MROH9: variants seen among roughly 807,000 people sequenced by gnomAD.
MROH9 encodes the protein maestro heat-like repeat-containing protein family member 9.
A neutral mutation model predicts 98.2 loss-of-function variants in MROH9; 92 were observed. The observed-to-expected ratio is 0.94, with a 90% CI of 0.79 to 1.11. MROH9 has a LOEUF of 1.11. Among genes scored for constraint, MROH9 ranks in the 50% most tolerant of loss-of-function variants. The pLI is 0.00. For synonymous variants in MROH9, 397 were observed against 368.9 expected (o/e 1.08, Z -0.87); for missense variants, 1,057 against 1,014.8 (o/e 1.04, Z -0.57).
Position 171,064,451 on chromosome 1 carries a change from CTGTT to C in MROH9, c.*115_*118del. 2 of 1,134,790 alleles carry C rather than the reference CTGTT, an allele frequency of 1.8e-6. No individual in the cohort carries two copies. Among genetic ancestry groups the C allele is most frequent in the Non-Finnish European group, 2.4e-6 (2 of 831,492 alleles). The allele number at this position is 1,134,790 out of a possible 1,614,324, so 70.3% of individuals were successfully genotyped here. ...TTCTTTCCCTCCTGACAACTTGAGT[CTGTT>C]TGTAGATGCTTTTCTGAAAAATTCT... On this transcript the variant is annotated 3_prime_UTR_variant, in exon 22 of 22. Coordinates refer to ENST00000367759, the MANE Select transcript of MROH9 (RefSeq NM_001163629.2).
At position 170,983,442 on chromosome 1, in the gene MROH9, A is replaced by G. The variant is rs1411280009; in HGVS notation, c.637A>G (p.Thr213Ala). Reference protein sequence around the residue: ...CQNDIGTNKPTNGKSHSLQFP... With the variant: ...CQNDIGTNKPANGKSHSLQFP... ...AGCAGATATTGGAACAAATAAGCCT[A>G]CAAACGGTAAAAGTCATAGCCTCCA... is the stretch of plus-strand genomic sequence containing the variant. The change falls in exon 9 of 22, where the codon ACA becomes GCA. Residue 213 changes from threonine to alanine, a missense_variant. Coordinates refer to ENST00000367759, the MANE Select transcript of MROH9 (RefSeq NM_001163629.2). 3 of 1,612,054 alleles carry G rather than the reference A, an allele frequency of 1.9e-6. No homozygotes were observed. The highest frequency in any genetic ancestry group is 2.5e-6 in the Non-Finnish European group (3 of 1,178,636).
chr1:170,974,100 T>C (rs1182377586), intron 8 of MROH9, among the ~76,000 whole-genome samples: 1 of 152,122 alleles, frequency 6.6e-6, no homozygotes, highest in African/African-American at 2.4e-5. Context: ...GACATAGTAA[T>C]AGTAATTATC....
chr1:171,041,285 G>A (rs527728719), intron 20 of MROH9, among the ~76,000 whole-genome samples: 1 of 150,248 alleles, frequency 6.7e-6, no homozygotes, highest in Non-Finnish European at 1.5e-5. Flanking sequence ...GCCTCCAGTT[G>A]CATCCATGTT....
At chr1:171,030,531 AT>A (rs1361925555) in intron 20 of MROH9, among the ~76,000 whole-genome samples, 1 of 152,132 alleles carries the variant, frequency 6.6e-6, no homozygotes, top group Non-Finnish European at 1.5e-5. Context: ...TTCTGCCCTA[AT>A]TTCATTGTTT....
In MROH9 at chr1:171,014,128, C is replaced by T. The variant is rs1487466047; in HGVS notation, c.1608C>T (p.Asn536=). 1.0e-5 allele frequency: 16 copies of T among 1,550,156 alleles called. No homozygotes were observed. The highest frequency in any genetic ancestry group is 1.4e-5 in the Non-Finnish European group (16 of 1,146,420). Residue 536 remains asparagine, a synonymous_variant, in exon 16 of 22, where the codon AAC becomes AAT. Transcript: ENST00000367759. ...VLIFLTELLN[N]FFKDPLPEEF... is the part of the protein sequence containing the mutation. ...CTATTTTCTTTCAGCTTCTGAATAA[C>T]TTCTTCAAGGACCCTTTACCAGAAG...
chr1:170,945,666 C>A (rs1312672526), intron 2 of MROH9, 85 bp downstream of exon 2: 19 of 1,166,300 alleles, frequency 1.6e-5, no homozygotes, highest in African/African-American at 3.1e-5. Flanking sequence ...AGAGAGAAAC[C>A]TATACATCAT....
intron 1 of MROH9, among the ~76,000 whole-genome samples, chr1:170,941,364 T>G (rs1440575084): frequency 2.6e-5 from 4 of 152,150 alleles, no homozygotes; most frequent in Non-Finnish European, 5.9e-5. Context: ...ATAAGCCAGC[T>G]TAAGCCTGGG....
At chr1:170,960,771 C>T (rs1186387338) in intron 5 of MROH9, among the ~76,000 whole-genome samples, 2 of 152,106 alleles carry the variant, frequency 1.3e-5, no homozygotes, top group Non-Finnish European at 2.9e-5. Context: ...TACAGACATG[C>T]ACCACCATAC....
intron 17 of MROH9, among the ~76,000 whole-genome samples, chr1:171,019,252 G>A (rs534995157): frequency 2.0e-5 from 3 of 152,340 alleles, no homozygotes; most frequent in East Asian, 3.9e-4. Context: ...AAATCAAGAA[G>A]TCTTTTGAAA....
At chr1:171,047,828 GGACT>G (rs934598046) in intron 20 of MROH9, among the ~76,000 whole-genome samples, 3 of 152,106 alleles carry the variant, frequency 2.0e-5, no homozygotes, top group African/African-American at 7.2e-5. Flanking sequence ...AGATTTGAAA[GGACT>G]TAGGTGTTGT....
chr1:171,033,716 TTCTATTCGGCCA>T (rs1304505511), intron 20 of MROH9, among the ~76,000 whole-genome samples: 1 of 152,202 alleles, frequency 6.6e-6, no homozygotes, highest in Non-Finnish European at 1.5e-5. Flanking sequence ...ACGCTGCTGT[TTCTATTCGGCCA>T]TCTATTCGGC....
chr1:170,966,863 T>C (rs1442301316), intron 7 of MROH9, among the ~76,000 whole-genome samples: 1 of 152,150 alleles, frequency 6.6e-6, no homozygotes, highest in East Asian at 1.9e-4. Context: ...AAATTAAGTG[T>C]ATCTCACCAC....
At position 171,064,361 on chromosome 1, in the gene MROH9, C is replaced by A; in HGVS notation, c.*21C>A. 6.6e-7 allele frequency: 1 copy of A among 1,510,770 alleles called. No individual in the cohort carries two copies. The highest frequency in any genetic ancestry group is 1.3e-5 in the South Asian group (1 of 76,134). 93.6% of individuals were successfully genotyped at this position (1,510,770 alleles called of 1,614,324 possible). A position where few individuals can be genotyped will look rare whatever the true frequency, so the allele number is the denominator to read the frequency against. On this transcript the variant is annotated 3_prime_UTR_variant, in exon 22 of 22. Transcript: ENST00000367759. ...TATAGAAGAGAATGATGATGACATT[C>A]ATCATTCATAAACAATGGGAAGTCC...
intron 8 of MROH9, among the ~76,000 whole-genome samples, chr1:170,982,306 A>T (rs1275801160): frequency 6.6e-6 from 1 of 152,170 alleles, no homozygotes; most frequent in African/African-American, 2.4e-5. Flanking sequence ...ACATGGATGA[A>T]TCTCAGTAGT....
intron 20 of MROH9, among the ~76,000 whole-genome samples, chr1:171,057,981 C>G (rs1653898186): frequency 6.6e-6 from 1 of 151,900 alleles, no homozygotes; most frequent in African/African-American, 2.4e-5. Context: ...AAAAAAACAC[C>G]AAAATATATT....
At chr1:171,027,713 T>C (rs930053329) in intron 20 of MROH9, among the ~76,000 whole-genome samples, 3 of 152,196 alleles carry the variant, frequency 2.0e-5, no homozygotes, top group African/African-American at 7.2e-5. Context: ...CTTGCCACCA[T>C]CTATTGTTTC....
rs1283264952 is a variant in MROH9 at position 171,022,131 on chromosome 1, G to A, written c.1909-2264G>A. The stretch of plus-strand genomic sequence containing the variant: ...GGCAAGGCTGTGGAGAAATAGGAAT[G>A]CTTTTACACTGTTGGTGGGAATGTA... On this transcript the variant is annotated intron_variant, in intron 17 of 21. Coordinates refer to ENST00000367759, the MANE Select transcript of MROH9 (RefSeq NM_001163629.2). Among the ~76,000 whole-genome samples the A allele has an allele frequency of 2.0e-5, 3 of 152,106 alleles. No individual in the cohort carries two copies. In the East Asian group the frequency reaches 5.8e-4, roughly 29 times the overall value.
intron 15 of MROH9, among the ~76,000 whole-genome samples, chr1:170,999,023 A>G (rs1323453439): frequency 6.6e-6 from 1 of 152,122 alleles, no homozygotes; most frequent in African/African-American, 2.4e-5. Flanking sequence ...GTAGTCATCA[A>G]TGATTTCAAA....
chr1:171,011,024 A>C (rs1006450782), intron 15 of MROH9, among the ~76,000 whole-genome samples: 1 of 152,178 alleles, frequency 6.6e-6, no homozygotes, highest in Non-Finnish European at 1.5e-5. Flanking sequence ...GCCCATGCCT[A>C]CATCCTGAAT....
Sources: gnomAD v4.1 joint callset for allele counts (sites outside exome capture counted in the v4.1 genomes callset) on GRCh38, gnomAD v4.1.1 for gene constraint, MANE v1.5 for transcripts, NCBI Gene and HGNC (gene_info 2026-07-23, HGNC 2026-07-21) for gene names.